Variants in IGSF10 observed in about 807,000 individuals in gnomAD.
The protein encoded by IGSF10 is immunoglobulin superfamily member 10.
A neutral mutation model predicts 128.2 loss-of-function variants in IGSF10; 126 were observed. The ratio of observed to expected loss-of-function variants is 0.98; its 90% CI spans 0.85 to 1.14. The LOEUF (loss-of-function observed/expected upper bound fraction) is 1.14, where lower values mean the gene tolerates loss of function less well. Ranked by LOEUF, IGSF10 falls within the 50% of genes most tolerant of loss-of-function variation. The pLI is 0.00. For synonymous variants in IGSF10, 1,185 were observed against 1,146.2 expected (o/e 1.03, Z -0.68); for missense variants, 3,295 against 3,149.8 (o/e 1.05, Z -1.10).
intron 3 of IGSF10, 61 bp downstream of exon 3, chr3:151,458,455 G>T: frequency 8.1e-7 from 1 of 1,234,286 alleles, no homozygotes; most frequent in Non-Finnish European, 1.1e-6. Flanking sequence ...GATGTTTGAG[G>T]GACAAGTCAC....
the IGSF10 span, among the ~76,000 whole-genome samples, chr3:151,478,636 C>T: frequency 9.9e-5 from 15 of 152,250 alleles, no homozygotes; most frequent in East Asian, 2.9e-3. Flanking sequence ...TTTCAGAATT[C>T]TGTATTTAGA....
chr3:151,464,040 GACTTTATTTTGTAATTGTA>G (rs1376915816), upstream of IGSF10, among the ~76,000 whole-genome samples: 1 of 152,090 alleles, frequency 6.6e-6, no homozygotes, highest in Non-Finnish European at 1.5e-5. Context: ...CAATGATAAT[GACTTTATTTTGTAATTGTA>G]ACTTTATTTT....
the IGSF10 span, among the ~76,000 whole-genome samples, chr3:151,536,765 CTAATT>C: frequency 6.6e-6 from 1 of 152,160 alleles, no homozygotes; most frequent in African/African-American, 2.4e-5. Context: ...ATTTGGCCCA[CTAATT>C]TAATATGGGC....
At chr3:151,610,862 C>A in the IGSF10 span, among the ~76,000 whole-genome samples, 2 of 152,110 alleles carry the variant, frequency 1.3e-5, no homozygotes, top group African/African-American at 4.8e-5. Flanking sequence ...CCTGAGATAA[C>A]TAATCTACTC....
the IGSF10 span, among the ~76,000 whole-genome samples, chr3:151,493,961 C>A: frequency 6.6e-6 from 1 of 151,406 alleles, no homozygotes; most frequent in Non-Finnish European, 1.5e-5. Context: ...TGTTACACAG[C>A]AATAGATGAC....
chr3:151,509,020 C>G, the IGSF10 span, among the ~76,000 whole-genome samples: 1 of 152,142 alleles, frequency 6.6e-6, no homozygotes, highest in South Asian at 2.1e-4. Context: ...AACTCTGATG[C>G]AGCGTCTGAA....
intron 4 of IGSF10, among the ~76,000 whole-genome samples, chr3:151,455,222 G>A (rs1042579440): frequency 1.3e-5 from 2 of 149,342 alleles, no homozygotes. Context: ...TGATTATCCT[G>A]CCTCAGCCTC....
At chr3:151,458,819 G>A in intron 2 of IGSF10, 109 bp from the exon 3 acceptor site, 1 of 833,010 alleles carries the variant, frequency 1.2e-6, no homozygotes, top group Middle Eastern at 3.1e-4. Context: ...GGTCGTAAGT[G>A]GTCAATTCCA....
the IGSF10 span, among the ~76,000 whole-genome samples, chr3:151,524,337 A>G: frequency 6.6e-6 from 1 of 152,184 alleles, no homozygotes; most frequent in Non-Finnish European, 1.5e-5. Context: ...ATGAATGTTC[A>G]CTGCAGCACT....
the IGSF10 span, among the ~76,000 whole-genome samples, chr3:151,568,624 T>C: frequency 1.3e-5 from 2 of 152,298 alleles, no homozygotes; most frequent in South Asian, 4.1e-4. Flanking sequence ...AATATCCACC[T>C]CCCTTTAGTC....
the IGSF10 span, among the ~76,000 whole-genome samples, chr3:151,526,912 C>T: frequency 6.6e-6 from 1 of 152,180 alleles, no homozygotes; most frequent in East Asian, 1.9e-4. Flanking sequence ...TGGCCACCAG[C>T]TTGATCTTGG....
chr3:151,466,698 C>T, the IGSF10 span, among the ~76,000 whole-genome samples: 867 of 152,274 alleles, frequency 5.7e-3, 7 homozygotes, highest in Non-Finnish European at 8.7e-3. Context: ...CCTGCCTTCG[C>T]CTCCCGAGTA....
At chr3:151,440,692 G>A (rs1720800626) in intron 7 of IGSF10, 1 of 434,154 alleles carries the variant, frequency 2.3e-6, no homozygotes, top group African/African-American at 2.2e-5. Context: ...TAAAACACTT[G>A]TGGAGTTTAA....
At position 151,445,024 on chromosome 3, in the gene IGSF10, C is replaced by T. The variant is rs928564053; in HGVS notation, c.4957G>A (p.Gly1653Arg). 6.2e-7 allele frequency: 1 copy of T among 1,614,034 alleles called. No individual in the cohort carries two copies. The highest frequency in any genetic ancestry group is 1.3e-5 in the African/African-American group (1 of 74,908). Residue 1653 changes from glycine to arginine, a missense_variant, in exon 6 of 8, where the codon GGA becomes AGA. Transcript: ENST00000282466. Reference sequence around the variant, plus strand: ...GGAATAGTAAAACTTGCAGCTTTTCCTCCAACTATCCTGGGCTTTTCAAAT... The same window carrying T: ...GGAATAGTAAAACTTGCAGCTTTTCTTCCAACTATCCTGGGCTTTTCAAAT... Reference protein sequence around the residue: ...YIFEKPRIVGGKAASFTIPAN... With the variant: ...YIFEKPRIVGRKAASFTIPAN...
the IGSF10 span, among the ~76,000 whole-genome samples, chr3:151,505,152 G>A: frequency 1.1e-4 from 16 of 152,178 alleles, no homozygotes; most frequent in Non-Finnish European, 1.5e-4. Context: ...ATGAAGACCT[G>A]AGAGAGACTG....
rs756353888 is a variant in IGSF10, at chr3:151,446,484, GAC to G, written c.3495_3496del (p.Ser1166Ter). ...ATCTCTTTTAGCTTCATTGGTGCTA[GAC>G]ACACGTGGGTAACTGGCGTTTACTT... On this transcript the variant is annotated frameshift_variant, in exon 6 of 8. Coordinates refer to ENST00000282466, the MANE Select transcript of IGSF10 (RefSeq NM_178822.5). LOFTEE classifies it high-confidence loss of function. 4 of 1,614,208 alleles carry G rather than the reference GAC, an allele frequency of 2.5e-6. No homozygotes were observed. The South Asian group carries it at 4.4e-5, about 18-fold the overall frequency.
chr3:151,617,320 C>CTCCTCCT, the IGSF10 span, among the ~76,000 whole-genome samples: 130 of 83,618 alleles, frequency 1.6e-3, 7 homozygotes, highest in South Asian at 4.7e-3. Flanking sequence ...CTTCTTCTTC[C>CTCCTCCT]CCTCCTCCTC....
the IGSF10 span, among the ~76,000 whole-genome samples, chr3:151,514,728 G>A: frequency 3.3e-5 from 5 of 151,858 alleles, no homozygotes; most frequent in African/African-American, 4.8e-5. Context: ...TCTGACAAAG[G>A]GCTAATATCC....
chr3:151,457,124 C>G lies in IGSF10; in HGVS notation c.226G>C (p.Asp76His). The stretch of plus-strand genomic sequence containing the variant: ...TCCAGTTTGGTCAGGCCAGAAAAAT[C>G]TGTTTCCATCAATCTAACCAAGCTG... ...YNSLVRLMET[D>H]FSGLTKLELL... The change falls in exon 4 of 8, where the codon GAT (aspartate) becomes CAT (histidine). Residue 76 changes from aspartate (D) to histidine (H), a missense_variant. Coordinates refer to ENST00000282466, the MANE Select transcript of IGSF10 (RefSeq NM_178822.5). 6.2e-7 allele frequency: 1 copy of G among 1,614,084 alleles called. No homozygotes were observed. The highest frequency in any genetic ancestry group is 8.5e-7 in the Non-Finnish European group (1 of 1,179,920).
Sources: gnomAD v4.1 joint callset for allele counts (sites outside exome capture counted in the v4.1 genomes callset) on GRCh38, gnomAD v4.1.1 for gene constraint, MANE v1.5 for transcripts, NCBI Gene and HGNC (gene_info 2026-07-23, HGNC 2026-07-21) for gene names.